FOXO1: variants seen among roughly 807,000 people sequenced by gnomAD.
FOXO1 encodes the protein forkhead box protein O1.
FOXO1 carries 6 observed loss-of-function variants against 44.1 expected under a neutral mutation model. That is an observed-to-expected ratio of 0.14 (90% CI 0.07 to 0.27). FOXO1 has a LOEUF of 0.27. Among genes scored for constraint, FOXO1 ranks in the 10% least tolerant of loss-of-function variants. FOXO1 has a pLI of 1.00. For synonymous variants in FOXO1, 380 were observed against 362.7 expected (o/e 1.05, Z -0.54); for missense variants, 737 against 888.8 (o/e 0.83, Z 2.17).
chr13:40,581,557 CTGT>C (rs768412512), intron 1 of FOXO1, among the ~76,000 whole-genome samples: 11 of 152,316 alleles, frequency 7.2e-5, no homozygotes, highest in South Asian at 4.1e-4. Flanking sequence ...CCTCATTAAG[CTGT>C]TATTAGGCTA....
intron 1 of FOXO1, among the ~76,000 whole-genome samples, chr13:40,608,010 C>T (rs1876083328): frequency 6.8e-6 from 1 of 147,304 alleles, no homozygotes; most frequent in Non-Finnish European, 1.5e-5. Context: ...TAACATGTCT[C>T]TCATGGTGTG....
chr13:40,588,852 C>T (rs889887315), intron 1 of FOXO1, among the ~76,000 whole-genome samples: 5 of 152,162 alleles, frequency 3.3e-5, no homozygotes, highest in African/African-American at 1.2e-4. Flanking sequence ...CTCCTGTAAT[C>T]CCAGCACTTT....
intron 1 of FOXO1, among the ~76,000 whole-genome samples, chr13:40,600,274 G>A (rs546940573): frequency 2.6e-5 from 4 of 152,340 alleles, no homozygotes; most frequent in East Asian, 3.9e-4. Flanking sequence ...CACGAGAGGT[G>A]AAGAACAAGA....
At chr13:40,635,826 C>G (rs1877126326) in intron 1 of FOXO1, among the ~76,000 whole-genome samples, 1 of 152,204 alleles carries the variant, frequency 6.6e-6, no homozygotes, top group South Asian at 2.1e-4. Context: ...GACAGAGGTC[C>G]CAGCCATCAG....
At chr13:40,665,266 G>C (rs1878189710) in intron 1 of FOXO1, among the ~76,000 whole-genome samples, 1 of 152,088 alleles carries the variant, frequency 6.6e-6, no homozygotes, top group Admixed American at 6.5e-5. Context: ...GCCGCTCCCA[G>C]CGAACCCCTT....
intron 1 of FOXO1, among the ~76,000 whole-genome samples, chr13:40,624,495 A>T (rs1014581617): frequency 1.3e-5 from 2 of 152,090 alleles, no homozygotes; most frequent in Non-Finnish European, 2.9e-5. Flanking sequence ...GTTGTAAGTG[A>T]TCAGTTCTGA....
At chr13:40,577,122 G>A (rs1237578730) in intron 1 of FOXO1, among the ~76,000 whole-genome samples, 1 of 152,172 alleles carries the variant, frequency 6.6e-6, no homozygotes. Context: ...GCAGGGGCAT[G>A]AGGATAAGCT....
chr13:40,613,540 T>A (rs1018137096), intron 1 of FOXO1, among the ~76,000 whole-genome samples: 6 of 152,140 alleles, frequency 3.9e-5, no homozygotes, highest in Non-Finnish European at 8.8e-5. Context: ...CCATCTGCAG[T>A]TTGAGTGTTA....
At chr13:40,588,660 C>T (rs892166197) in intron 1 of FOXO1, among the ~76,000 whole-genome samples, 3 of 152,176 alleles carry the variant, frequency 2.0e-5, no homozygotes, top group African/African-American at 7.2e-5. Context: ...CAACCCACCC[C>T]GGCAGAGGCC....
intron 1 of FOXO1, among the ~76,000 whole-genome samples, chr13:40,630,044 C>T (rs887125494): frequency 2.0e-5 from 3 of 152,136 alleles, no homozygotes; most frequent in Non-Finnish European, 4.4e-5. Flanking sequence ...ATAATGCCCA[C>T]CACTTCAAAA....
At chr13:40,657,894 C>T (rs1326067389) in intron 1 of FOXO1, among the ~76,000 whole-genome samples, 1 of 152,144 alleles carries the variant, frequency 6.6e-6, no homozygotes, top group Non-Finnish European at 1.5e-5. Context: ...TTTAGTTATA[C>T]TACTTCTTAA....
At chr13:40,634,552 C>A (rs1056481969) in intron 1 of FOXO1, among the ~76,000 whole-genome samples, 2 of 152,142 alleles carry the variant, frequency 1.3e-5, no homozygotes, top group Non-Finnish European at 2.9e-5. Context: ...TAAGGCAGGG[C>A]AATCACTTCA....
intron 1 of FOXO1, among the ~76,000 whole-genome samples, chr13:40,563,007 G>T (rs1212048637): frequency 1.3e-5 from 2 of 152,234 alleles, no homozygotes; most frequent in Non-Finnish European, 2.9e-5. Flanking sequence ...GATTCTGGGT[G>T]CCCTAAGACC....
At chr13:40,578,889 C>T (rs1593386124) in intron 1 of FOXO1, among the ~76,000 whole-genome samples, 1 of 152,334 alleles carries the variant, frequency 6.6e-6, no homozygotes, top group Non-Finnish European at 1.5e-5. Context: ...CGCACATACA[C>T]ATTTCTTTGC....
Position 40,560,200 on chromosome 13 carries a change from T to C in FOXO1, c.1291A>G (p.Met431Val), listed in dbSNP as rs766344604. ...YQKYTYGQSS[M>V]SPLPQMPIQT... Reference sequence around the variant, plus strand: ...ATAGGCATCTGGGGCAAAGGGCTCATGCTGGATTGGCCATATGTATATTTT... The same window carrying C: ...ATAGGCATCTGGGGCAAAGGGCTCACGCTGGATTGGCCATATGTATATTTT... Residue 431 changes from methionine (M) to valine (V), a missense_variant, in exon 2 of 3, where the codon ATG becomes GTG. Met to Val is a conservative substitution (Grantham distance 21, BLOSUM62 1). Around this residue, in one of 7 missense-constraint regions of FOXO1, gnomAD observed 283 missense variants for 278.1 expected, o/e 1.02. Coordinates refer to ENST00000379561, the MANE Select transcript of FOXO1 (RefSeq NM_002015.4). The surrounding 1 kb of genome is among the most constrained non-coding windows in gnomAD (Gnocchi z 5.1). 8 of 1,614,114 alleles carry C rather than the reference T, an allele frequency of 5.0e-6. No homozygotes were observed. In the South Asian group the frequency reaches 6.6e-5, roughly 13 times the overall value.
At chr13:40,660,072 T>G (rs1054897478) in intron 1 of FOXO1, among the ~76,000 whole-genome samples, 1 of 152,202 alleles carries the variant, frequency 6.6e-6, no homozygotes, top group Non-Finnish European at 1.5e-5. Flanking sequence ...TTCAAGTACA[T>G]GTGGTCTTCT....
chr13:40,651,706 A>C (rs1877694421), intron 1 of FOXO1, among the ~76,000 whole-genome samples: 1 of 151,160 alleles, frequency 6.6e-6, no homozygotes, highest in South Asian at 2.1e-4. Flanking sequence ...TATACATCTA[A>C]ATATACATCA....
In FOXO1 at chr13:40,555,697, T is replaced by C. The variant is rs1209217574; in HGVS notation, c.*3352A>G. On this transcript the variant is annotated 3_prime_UTR_variant, in exon 3 of 3. Coordinates refer to ENST00000379561, the MANE Select transcript of FOXO1 (RefSeq NM_002015.4). ...GACAAGACTTAACTCAAGTATTTAA[T>C]AGCTTCACAAAAAATTCCTAATAAA... 6.6e-6 allele frequency: 1 copy of C among 152,664 alleles called. No homozygotes were observed. Among genetic ancestry groups the C allele is most frequent in the Non-Finnish European group, 1.5e-5 (1 of 68,038 alleles). 9.5% of individuals were successfully genotyped at this position (152,664 alleles called of 1,614,324 possible).
At chr13:40,620,141 C>T in intron 1 of FOXO1, 4 of 1,427,916 alleles carry the variant, frequency 2.8e-6, no homozygotes, top group Non-Finnish European at 3.9e-6. Flanking sequence ...TTCTCTAATT[C>T]AAGACTTATG....
Sources: allele counts gnomAD v4.1 joint callset (sites outside exome capture counted in the v4.1 genomes callset), GRCh38; gene constraint gnomAD v4.1.1; regional missense constraint gnomAD v4.1.1; non-coding constraint Gnocchi (gnomAD v3.1); transcripts MANE v1.5; gene names NCBI Gene and HGNC (gene_info 2026-07-23, HGNC 2026-07-21).